CCSER1: variants seen among roughly 807,000 people sequenced by gnomAD.
CCSER1 encodes serine-rich coiled-coil domain-containing protein 1.
In CCSER1, 41 loss-of-function variants were observed where a neutral mutation model predicts 82.0. The ratio of observed to expected loss-of-function variants is 0.50; its 90% CI spans 0.39 to 0.65. The LOEUF is 0.65. Among genes scored for constraint, CCSER1 ranks in the 30% least tolerant of loss-of-function variants. The pLI, the probability that CCSER1 is intolerant of heterozygous loss-of-function variation, is 0.00. For synonymous variants in CCSER1, 414 were observed against 383.9 expected (o/e 1.08, Z -0.92); for missense variants, 1,119 against 1,064.2 (o/e 1.05, Z -0.72).
chr4:90,755,701 G>A (rs1351919674), intron 7 of CCSER1, among the ~76,000 whole-genome samples: 1 of 152,104 alleles, frequency 6.6e-6, no homozygotes, highest in Non-Finnish European at 1.5e-5. Context: ...TATTATCAAT[G>A]CAAAACACTG....
chr4:90,391,360 C>A (rs1336321905), intron 3 of CCSER1, among the ~76,000 whole-genome samples: 1 of 141,738 alleles, frequency 7.1e-6, no homozygotes, highest in African/African-American at 2.6e-5. Context: ...GTGATGAATA[C>A]CCCATTTAGC....
intron 9 of CCSER1, among the ~76,000 whole-genome samples, chr4:91,008,968 C>T (rs927576438): frequency 7.9e-5 from 12 of 152,168 alleles, no homozygotes; most frequent in Admixed American, 1.3e-4. Context: ...GTGTTCAGCT[C>T]GATTAGGACG....
At chr4:91,352,373 A>C (rs1284051533) in intron 10 of CCSER1, among the ~76,000 whole-genome samples, 1 of 152,126 alleles carries the variant, frequency 6.6e-6, no homozygotes, top group African/African-American at 2.4e-5. Flanking sequence ...CAGCCTCCCA[A>C]GTAGCTGGAA....
chr4:90,437,117 G>A (rs925836533), intron 4 of CCSER1, among the ~76,000 whole-genome samples: 3 of 151,974 alleles, frequency 2.0e-5, no homozygotes, highest in African/African-American at 4.8e-5. Flanking sequence ...CACCGCCCCC[G>A]GACGAGAATA....
intron 5 of CCSER1, among the ~76,000 whole-genome samples, chr4:90,603,311 G>T (rs995775067): frequency 1.3e-5 from 2 of 152,202 alleles, no homozygotes; most frequent in Admixed American, 1.3e-4. Context: ...GCATAAAAGT[G>T]TTTAATTATC....
At chr4:91,539,448 C>T (rs1761475785) in intron 10 of CCSER1, among the ~76,000 whole-genome samples, 1 of 152,058 alleles carries the variant, frequency 6.6e-6, no homozygotes, top group Non-Finnish European at 1.5e-5. Flanking sequence ...AATATATACT[C>T]TCTTTTCTGT....
chr4:91,492,361 C>CT (rs1267910791), intron 10 of CCSER1, among the ~76,000 whole-genome samples: 1 of 151,982 alleles, frequency 6.6e-6, no homozygotes, highest in Non-Finnish European at 1.5e-5. Context: ...AAATAAAATC[C>CT]TATAAAGAGC....
At chr4:90,340,989 A>C (rs1242975101) in intron 3 of CCSER1, among the ~76,000 whole-genome samples, 1 of 152,104 alleles carries the variant, frequency 6.6e-6, no homozygotes, top group Non-Finnish European at 1.5e-5. Context: ...TTGTAACATA[A>C]CTTTAAAAAT....
chr4:90,966,349 C>A (rs1314553577), intron 9 of CCSER1, among the ~76,000 whole-genome samples: 2 of 151,868 alleles, frequency 1.3e-5, no homozygotes, highest in African/African-American at 4.8e-5. Context: ...GTGAAGACAG[C>A]AAGAGAAGAG....
chr4:91,309,335 T>C (rs1304206527), intron 10 of CCSER1, among the ~76,000 whole-genome samples: 2 of 127,192 alleles, frequency 1.6e-5, no homozygotes, highest in Non-Finnish European at 3.3e-5. Flanking sequence ...AGGCCACTGA[T>C]GATTCTGTAA....
chr4:91,408,849 A>G (rs1752858584), intron 10 of CCSER1, among the ~76,000 whole-genome samples: 1 of 152,196 alleles, frequency 6.6e-6, no homozygotes, highest in African/African-American at 2.4e-5. Context: ...TCATTGCTTT[A>G]AGATTAGATA....
At chr4:90,862,304 A>T (rs977433403) in intron 8 of CCSER1, among the ~76,000 whole-genome samples, 2 of 151,948 alleles carry the variant, frequency 1.3e-5, no homozygotes, top group East Asian at 3.9e-4. Flanking sequence ...AAGACTAGTA[A>T]ATAATTATGT....
At chr4:91,480,259 G>C (rs1247965890) in intron 10 of CCSER1, among the ~76,000 whole-genome samples, 1 of 152,132 alleles carries the variant, frequency 6.6e-6, no homozygotes, top group Non-Finnish European at 1.5e-5. Flanking sequence ...TATATACCCA[G>C]TAATGGGATG....
At chr4:90,707,544 T>A (rs1003436526) in intron 6 of CCSER1, among the ~76,000 whole-genome samples, 1,748 of 149,012 alleles carry the variant, frequency 0.012, 27 homozygotes, top group African/African-American at 0.035. Flanking sequence ...AAAAAATATA[T>A]ATATATATAT....
chr4:91,548,693 G>T (rs549169274), intron 10 of CCSER1, among the ~76,000 whole-genome samples: 2 of 151,460 alleles, frequency 1.3e-5, no homozygotes, highest in South Asian at 4.2e-4. Flanking sequence ...TCTTCTATCT[G>T]GCATGGTTTC....
intron 10 of CCSER1, among the ~76,000 whole-genome samples, chr4:91,328,643 C>T (rs1308103568): frequency 6.6e-6 from 1 of 152,032 alleles, no homozygotes; most frequent in African/African-American, 2.4e-5. Context: ...CATTAATTAA[C>T]AGTGAAAGTT....
intron 1 of CCSER1, among the ~76,000 whole-genome samples, chr4:90,239,508 A>G (rs952227128): frequency 1.3e-5 from 2 of 152,098 alleles, no homozygotes; most frequent in African/African-American, 2.4e-5. Flanking sequence ...TTGATCTGTT[A>G]TATATATATT....
At chr4:91,218,896 C>T (rs1387434437) in intron 10 of CCSER1, among the ~76,000 whole-genome samples, 2 of 152,146 alleles carry the variant, frequency 1.3e-5, no homozygotes, top group African/African-American at 2.4e-5. Flanking sequence ...TGGTAATTGA[C>T]GTAATGTCAA....
At chr4:90,817,716 G>T (rs772667565) in intron 8 of CCSER1, among the ~76,000 whole-genome samples, 10 of 152,058 alleles carry the variant, frequency 6.6e-5, no homozygotes, top group Non-Finnish European at 1.2e-4. Context: ...GGTGATTCAA[G>T]AATTTTACTT....
Sources: allele counts gnomAD v4.1 joint callset (sites outside exome capture counted in the v4.1 genomes callset), GRCh38; gene constraint gnomAD v4.1.1; transcripts MANE v1.5; gene names NCBI Gene and HGNC (gene_info 2026-07-23, HGNC 2026-07-21).